Variants in PDE5A observed in about 807,000 individuals in gnomAD.
PDE5A encodes the protein phosphodiesterase 5A, also known as cGMP-specific 3',5'-cyclic phosphodiesterase.
A neutral mutation model predicts 110.2 loss-of-function variants in PDE5A; 67 were observed. That is an observed-to-expected ratio of 0.61 (90% CI 0.50 to 0.75). The LOEUF (loss-of-function observed/expected upper bound fraction) is 0.75. Among genes scored for constraint, PDE5A ranks in the 30% least tolerant of loss-of-function variants. The probability of loss-of-function intolerance (pLI) is 0.00; values close to 1 mark genes in which losing one functional copy is unlikely to be tolerated. For missense variants in PDE5A, 862 were observed against 1,045.1 expected, an observed-to-expected ratio of 0.82 and a Z score of 2.42; for synonymous variants, 328 against 351.2, an observed-to-expected ratio of 0.93 and a Z score of 0.74.
chr4:119,549,583 T>C (rs1365635478), intron 9 of PDE5A: 1 of 152,128 alleles, frequency 6.6e-6, no homozygotes, highest in East Asian at 1.9e-4. Context: ...TTAAAATAAA[T>C]TTTCAATGGG....
intron 1 of PDE5A, among the ~76,000 whole-genome samples, chr4:119,609,672 A>T (rs1312201619): frequency 6.6e-6 from 1 of 152,190 alleles, no homozygotes; most frequent in Non-Finnish European, 1.5e-5. Flanking sequence ...AAAAGTCTCC[A>T]AAAAGTTTAG....
chr4:119,544,361 A>T (rs892027312), intron 9 of PDE5A, among the ~76,000 whole-genome samples: 2 of 152,216 alleles, frequency 1.3e-5, no homozygotes, highest in Non-Finnish European at 2.9e-5. Flanking sequence ...GATATAATGA[A>T]TTTGGACACT....
In PDE5A at chr4:119,627,194, G is replaced by T. The variant is rs1355531469; in HGVS notation, c.152+1326C>A. ...GCAACATAGCAAACGTGGGAAGTTC[G>T]TTTTCGAACTCCGCCGATCCTGGAC... On this transcript the variant is annotated intron_variant, in intron 1 of 20. Coordinates refer to ENST00000354960, the MANE Select transcript of PDE5A (RefSeq NM_001083.4). This position sits in a 1 kb window ranked among gnomAD's most constrained non-coding sequence, Gnocchi z 4.6. 1 of 1,612,460 alleles carries T rather than the reference G, an allele frequency of 6.2e-7. No homozygotes were observed. The highest frequency in any genetic ancestry group is 2.2e-5 in the East Asian group (1 of 44,778).
intron 1 of PDE5A, among the ~76,000 whole-genome samples, chr4:119,618,703 T>C (rs1373041294): frequency 9.5e-5 from 11 of 116,252 alleles, no homozygotes. Context: ...TGACAACAAA[T>C]GTAAAAAAAA....
chr4:119,502,024 G>A (rs1294881170), intron 19 of PDE5A, among the ~76,000 whole-genome samples: 2 of 152,092 alleles, frequency 1.3e-5, no homozygotes, highest in Non-Finnish European at 2.9e-5. Context: ...TAAACAAGTA[G>A]AATGCTGAGA....
Position 119,498,641 on chromosome 4 carries a change from A to C in PDE5A, c.2588T>G (p.Met863Arg). 1 of 1,614,004 alleles carries C rather than the reference A, an allele frequency of 6.2e-7. No homozygotes were observed. Among genetic ancestry groups the C allele is most frequent in the Non-Finnish European group, 8.5e-7 (1 of 1,179,928 alleles). ...CTGGCCGCTTTCCCCATTAATCAGC[A>C]TCTTCTCCTGCTGTTCTGCAAGGGC... ...WQALAEQQEK[M>R]LINGESGQAK... Residue 863 changes from methionine (M) to arginine (R), a missense_variant, in exon 21 of 21, where the codon ATG (methionine) becomes AGG (arginine). Coordinates refer to ENST00000354960, the MANE Select transcript of PDE5A (RefSeq NM_001083.4).
chr4:119,596,446 T>G, intron 3 of PDE5A, 77 bp downstream of exon 3: 1 of 694,734 alleles, frequency 1.4e-6, no homozygotes, highest in South Asian at 2.4e-5. Flanking sequence ...TTCATATATA[T>G]GCAAAGTAAA....
intron 8 of PDE5A, 35 bp from the exon 9 acceptor site, chr4:119,552,672 T>C (rs1382033340): frequency 7.8e-6 from 9 of 1,156,988 alleles, no homozygotes; most frequent in African/African-American, 1.6e-5. Flanking sequence ...ACAGCTAAAA[T>C]GGTAAAGAGA....
chr4:119,582,291 G>T (rs1728613942), intron 3 of PDE5A, among the ~76,000 whole-genome samples: 1 of 152,162 alleles, frequency 6.6e-6, no homozygotes, highest in Non-Finnish European at 1.5e-5. Context: ...CACTTTCTTT[G>T]CTCATCTATA....
At chr4:119,526,133 GT>G (rs986751681) in intron 11 of PDE5A, among the ~76,000 whole-genome samples, 2 of 152,156 alleles carry the variant, frequency 1.3e-5, no homozygotes, top group Non-Finnish European at 2.9e-5. Flanking sequence ...TTTATGGTTA[GT>G]TCTCAGGACA....
At chr4:119,560,421 A>G in intron 6 of PDE5A, 58 bp from the exon 7 acceptor site, 1 of 1,063,464 alleles carries the variant, frequency 9.4e-7, no homozygotes, top group Non-Finnish European at 1.4e-6. Flanking sequence ...AAAACTATCT[A>G]GATACAGACA....
intron 3 of PDE5A, among the ~76,000 whole-genome samples, chr4:119,583,484 T>C (rs1036002184): frequency 3.9e-5 from 6 of 152,272 alleles, no homozygotes; most frequent in South Asian, 2.1e-4. Context: ...TTCATTGGAG[T>C]GGCACTTACA....
intron 3 of PDE5A, among the ~76,000 whole-genome samples, chr4:119,593,602 G>A (rs767798869): frequency 5.9e-5 from 9 of 152,212 alleles, no homozygotes; most frequent in Admixed American, 3.3e-4. Context: ...GATCAACTAT[G>A]AAGGGGTACA....
intron 2 of PDE5A, among the ~76,000 whole-genome samples, chr4:119,605,257 C>T (rs941204632): frequency 1.3e-5 from 2 of 152,182 alleles, no homozygotes; most frequent in Admixed American, 1.3e-4. Flanking sequence ...TCTCTTCTAA[C>T]TTCTCTTTAC....
intron 1 of PDE5A, among the ~76,000 whole-genome samples, chr4:119,624,115 A>G (rs1730255340): frequency 6.6e-6 from 1 of 152,182 alleles, no homozygotes; most frequent in South Asian, 2.1e-4. Flanking sequence ...ACATAAGAAA[A>G]AAAGGCCATT....
chr4:119,592,456 T>TTAAAAAA (rs1729009629), intron 3 of PDE5A, among the ~76,000 whole-genome samples: 1 of 66,176 alleles, frequency 1.5e-5, no homozygotes, highest in Non-Finnish European at 2.6e-5. Context: ...AGACTCTGTT[T>TTAAAAAA]AAAAAAAAAA....
rs534541959 is a variant in PDE5A at position 119,567,831 on chromosome 4, T to A, written c.832-687A>T. ...TTAGTTCCACCTTCATTTTGAGTTA[T>A]TACCTTAGTCCTATAAAGACCTTCA... On this transcript the variant is annotated intron_variant, in intron 3 of 20. Transcript: ENST00000354960. Among the ~76,000 whole-genome samples the A allele has an allele frequency of 2.6e-5, 4 of 152,264 alleles. No individual in the cohort carries two copies. In the South Asian group the frequency reaches 6.2e-4, roughly 24 times the overall value.
At chr4:119,521,785 G>A (rs765507382) in intron 12 of PDE5A, among the ~76,000 whole-genome samples, 1 of 152,034 alleles carries the variant, frequency 6.6e-6, no homozygotes, top group Non-Finnish European at 1.5e-5. Context: ...CAAGTCTCAA[G>A]AGTTGGGTTT....
chr4:119,541,581 T>C (rs1453459316), intron 10 of PDE5A, among the ~76,000 whole-genome samples: 1 of 152,116 alleles, frequency 6.6e-6, no homozygotes, highest in Admixed American at 6.6e-5. Flanking sequence ...TTTTATATAA[T>C]ATATGTCTCT....
Sources: gnomAD v4.1 joint callset for allele counts (sites outside exome capture counted in the v4.1 genomes callset) on GRCh38, gnomAD v4.1.1 for gene constraint, Gnocchi (gnomAD v3.1) non-coding constraint, MANE v1.5 for transcripts, NCBI Gene and HGNC (gene_info 2026-07-23, HGNC 2026-07-21) for gene names.